The following NSUN6 variants were observed in gnomAD, a reference collection of about 807,000 sequenced individuals.
NSUN6 encodes the protein NOP2/Sun RNA methyltransferase 6.
A neutral mutation model predicts 58.0 loss-of-function variants in NSUN6; 64 were observed. That is an observed-to-expected ratio of 1.10 (90% CI 0.90 to 1.36). The LOEUF is 1.36. Among genes scored for constraint, NSUN6 ranks in the 40% most tolerant of loss-of-function variants. The pLI is 0.00. For missense variants in NSUN6, 701 were observed against 550.1 expected (o/e 1.27, Z -2.74); for synonymous variants, 231 against 193.9 (o/e 1.19, Z -1.59).
rs1319334390 is a variant in NSUN6 at position 18,551,856 on chromosome 10, T to C, written c.1038A>G (p.Ser346=). The C allele has an allele frequency of 8.1e-6, 13 of 1,613,604 alleles. No homozygotes were observed. The highest frequency in any genetic ancestry group is 2.2e-5 in the East Asian group (1 of 44,870). Residue 346 remains serine (S), a synonymous_variant, in exon 9 of 11, where the codon TCA becomes TCG. Coordinates refer to ENST00000377304, the MANE Select transcript of NSUN6 (RefSeq NM_182543.5). The stretch of plus-strand genomic sequence containing the variant: ...AGAGTTTTCGCTGTAATGGCTGATA[T>C]GATGCCACTTCCTTCACAGACCAAG... ...ACTWSVKEVA[S]YQPLQRKLFT...
intron 7 of NSUN6, among the ~76,000 whole-genome samples, chr10:18,588,148 G>A (rs376724781): frequency 6.6e-6 from 1 of 152,192 alleles, no homozygotes; most frequent in African/African-American, 2.4e-5. Context: ...AAGGAGACTG[G>A]GAGGTTTGGA....
At chr10:18,594,725 C>T (rs1280251697) in intron 7 of NSUN6, among the ~76,000 whole-genome samples, 1 of 152,060 alleles carries the variant, frequency 6.6e-6, no homozygotes, top group Non-Finnish European at 1.5e-5. Context: ...TCCGGTTGTT[C>T]GTGTCTGCAT....
At chr10:18,602,799 C>A (rs552544694) in intron 6 of NSUN6, among the ~76,000 whole-genome samples, 1 of 152,122 alleles carries the variant, frequency 6.6e-6, no homozygotes, top group African/African-American at 2.4e-5. Context: ...AAGGGTATAT[C>A]GGTGAGGGAT....
chr10:18,614,536 C>T lies in NSUN6; in HGVS notation c.499G>A (p.Gly167Arg). 1 of 1,541,136 alleles carries T rather than the reference C, an allele frequency of 6.5e-7. No individual in the cohort carries two copies. The highest frequency in any genetic ancestry group is 2.4e-5 in the East Asian group (1 of 40,978). The change falls in exon 5 of 11, where the codon GGA (glycine) becomes AGA (arginine). Residue 167 changes from glycine to arginine, a missense_variant. Transcript: ENST00000377304. ...KCKKGAKEFD[G>R]TKVFLGNGIS... ...CCATTTCCAAGAAATACTTTTGTTC[C>T]ATCAAATTCTTTGGCTCCTTTCTTA... is the stretch of plus-strand genomic sequence containing the variant.
upstream of NSUN6, among the ~76,000 whole-genome samples, chr10:18,657,229 T>C (rs2059787379): frequency 6.6e-6 from 1 of 152,210 alleles, no homozygotes; most frequent in Admixed American, 6.5e-5. Context: ...ATCATATTAC[T>C]TTTGATAATT....
intron 2 of NSUN6, among the ~76,000 whole-genome samples, chr10:18,646,138 T>A (rs1668272022): frequency 6.6e-6 from 1 of 152,068 alleles, no homozygotes; most frequent in Non-Finnish European, 1.5e-5. Context: ...GAGGTTGCAG[T>A]GAGCCAAGAT....
intron 8 of NSUN6, among the ~76,000 whole-genome samples, chr10:18,574,588 A>G (rs1293316927): frequency 6.6e-6 from 1 of 152,100 alleles, no homozygotes; most frequent in African/African-American, 2.4e-5. Flanking sequence ...TGATTGATAG[A>G]GAAACTCTTG....
chr10:18,602,616 T>C (rs969770385), intron 6 of NSUN6, among the ~76,000 whole-genome samples: 1 of 152,128 alleles, frequency 6.6e-6, no homozygotes, highest in African/African-American at 2.4e-5. Flanking sequence ...GTGATCCACC[T>C]GCCTTGGCCT....
At chr10:18,573,414 G>A (rs556157279) in intron 8 of NSUN6, among the ~76,000 whole-genome samples, 14 of 145,680 alleles carry the variant, frequency 9.6e-5, no homozygotes, top group East Asian at 4.1e-4. Context: ...CCATTCCATC[G>A]GTTCCATTTT....
intron 3 of NSUN6, among the ~76,000 whole-genome samples, chr10:18,641,652 A>C (rs2059393925): frequency 6.8e-6 from 1 of 146,360 alleles, no homozygotes; most frequent in Non-Finnish European, 1.5e-5. Flanking sequence ...TAACAGGAAT[A>C]AGTAAGCCAC....
intron 7 of NSUN6, among the ~76,000 whole-genome samples, chr10:18,587,865 C>G (rs11015019): frequency 0.028 from 4,280 of 151,926 alleles, 196 homozygotes; most frequent in African/African-American, 0.097. Flanking sequence ...GGGCAGGCAC[C>G]GAGCTAGCTG....
chr10:18,615,646 C>A (rs1308308417), intron 4 of NSUN6, among the ~76,000 whole-genome samples: 2 of 152,118 alleles, frequency 1.3e-5, no homozygotes, highest in Non-Finnish European at 2.9e-5. Flanking sequence ...TTCAAGGACA[C>A]CATAACTGAG....
At position 18,548,253 on chromosome 10, in the gene NSUN6, A is replaced by T. The variant is rs1490677899; in HGVS notation, c.1072-16T>A. On this transcript the variant is annotated splice_polypyrimidine_tract_variant and intron_variant, in intron 9 of 10. Transcript: ENST00000377304. ...GCTGAACCGCCTAAAGAAAACTGTG[A>T]TCAGACCACACACAGCACAAGACCA... 6.2e-7 allele frequency: 1 copy of T among 1,609,588 alleles called. No homozygotes were observed. The highest frequency in any genetic ancestry group is 8.5e-7 in the Non-Finnish European group (1 of 1,176,960).
At chr10:18,624,055 A>C (rs1459410058) in intron 3 of NSUN6, among the ~76,000 whole-genome samples, 3 of 152,184 alleles carry the variant, frequency 2.0e-5, no homozygotes, top group African/African-American at 7.2e-5. Context: ...CAAAAAGCAG[A>C]AGGTAGATTT....
rs188764918 is a variant in NSUN6, at chr10:18,594,043, T to C, written c.777+2165A>G. Reference sequence around the variant, plus strand: ...GGTGAAACCCCATCTCTACTAAAAATACAAAAATTATTCGGGTGTGGTGGC... The same window carrying C: ...GGTGAAACCCCATCTCTACTAAAAACACAAAAATTATTCGGGTGTGGTGGC... On this transcript the variant is annotated intron_variant, in intron 7 of 10. Transcript: ENST00000377304. Among the ~76,000 whole-genome samples the C allele has an allele frequency of 5.3e-5, 8 of 151,686 alleles. No homozygotes were observed. The East Asian group carries it at 1.6e-3, about 30-fold the overall frequency.
chr10:18,571,225 A>G (rs977959901), intron 8 of NSUN6, among the ~76,000 whole-genome samples: 1 of 145,878 alleles, frequency 6.9e-6, no homozygotes, highest in Non-Finnish European at 1.5e-5. Context: ...TCTGTTCCAT[A>G]CCATTCTTCA....
chr10:18,547,856 A>T (rs993172077), intron 10 of NSUN6, among the ~76,000 whole-genome samples: 3 of 152,188 alleles, frequency 2.0e-5, no homozygotes, highest in Non-Finnish European at 4.4e-5. Flanking sequence ...CTACAAGGGG[A>T]ATAAACACAT....
chr10:18,634,162 C>G (rs541968569), intron 3 of NSUN6, among the ~76,000 whole-genome samples: 1 of 151,872 alleles, frequency 6.6e-6, no homozygotes, highest in Admixed American at 6.6e-5. Context: ...AAAATGTAAA[C>G]CAAACAAAAG....
intron 6 of NSUN6, among the ~76,000 whole-genome samples, chr10:18,598,491 T>A (rs770578576): frequency 4.6e-5 from 7 of 152,222 alleles, no homozygotes; most frequent in Admixed American, 1.3e-4. Flanking sequence ...TTACCCAGGC[T>A]GTCCGGGTCT....
Sources: gnomAD v4.1 joint callset for allele counts (sites outside exome capture counted in the v4.1 genomes callset) on GRCh38, gnomAD v4.1.1 for gene constraint, MANE v1.5 for transcripts, NCBI Gene and HGNC (gene_info 2026-07-23, HGNC 2026-07-21) for gene names.